The following ZNF148 variants were observed in gnomAD, a reference collection of about 807,000 sequenced individuals.
ZNF148 encodes Beta-Enolase Repressor Factor-1.
ZNF148 carries 7 observed loss-of-function variants against 67.7 expected under a neutral mutation model. The observed-to-expected ratio is 0.10, with a 90% CI of 0.06 to 0.19. ZNF148 has a LOEUF of 0.19. ZNF148 is among the 10% of genes least tolerant of loss of function. The pLI, the probability that ZNF148 is intolerant of heterozygous loss-of-function variation, is 1.00. For missense variants in ZNF148, 583 were observed against 947.1 expected (o/e 0.62, Z 5.05); for synonymous variants, 333 against 330.7 (o/e 1.01, Z -0.08).
At chr3:125,327,145 T>A (rs1025285462) in intron 2 of ZNF148, among the ~76,000 whole-genome samples, 1 of 152,024 alleles carries the variant, frequency 6.6e-6, no homozygotes, top group Non-Finnish European at 1.5e-5. Context: ...TTTAAGACTA[T>A]AGAGACAAAG....
intron 7 of ZNF148, among the ~76,000 whole-genome samples, chr3:125,263,340 G>A (rs1449935484): frequency 6.6e-6 from 1 of 152,096 alleles, no homozygotes; most frequent in Admixed American, 6.5e-5. Context: ...CATCTGAGGT[G>A]AGGAGTTCGA....
Position 125,331,168 on chromosome 3 carries a change from T to C in ZNF148, c.-163A>G, listed in dbSNP as rs1167645572. The stretch of plus-strand genomic sequence containing the variant: ...AGAATGCTGAATTACCTCCATTAAA[T>C]ACGTTAGGCAAACGCCCATCCCGCC... On this transcript the variant is annotated 5_prime_UTR_variant, in exon 2 of 9. Transcript: ENST00000360647. 5.0e-6 allele frequency: 2 copies of C among 398,566 alleles called. No homozygotes were observed. Among genetic ancestry groups the C allele is most frequent in the East Asian group, 7.1e-5 (2 of 28,066 alleles). 24.7% of individuals were successfully genotyped at this position (398,566 alleles called of 1,614,324 possible).
rs35531442 is a variant in ZNF148 at position 125,267,075 on chromosome 3, GA to G, written c.667+10650del. ...AATAAAAAACACACCAACCAGGAAA[GA>G]AAAAAAAAAAAAAAGCCCTGGACCA... On this transcript the variant is annotated intron_variant, in intron 7 of 8. Transcript: ENST00000360647. Among the ~76,000 whole-genome samples the G allele has an allele frequency of 9.7e-3, 1,024 of 105,186 alleles. 7 individuals carry two copies. Among genetic ancestry groups the G allele is most frequent in the African/African-American group, 0.031 (830 of 26,438 alleles). The allele number at this position is 105,186 out of a possible 152,430, so 69.0% of individuals were successfully genotyped here. A position where few individuals can be genotyped will look rare whatever the true frequency, so the allele number is the denominator to read the frequency against.
intron 1 of ZNF148, among the ~76,000 whole-genome samples, chr3:125,366,513 T>C (rs1473477846): frequency 6.6e-6 from 1 of 151,708 alleles, no homozygotes; most frequent in Non-Finnish European, 1.5e-5. Context: ...GACAATCAGC[T>C]TTTTTTTCTT....
intron 7 of ZNF148, 25 bp from the exon 8 acceptor site, chr3:125,234,354 A>G (rs766230021): frequency 1.4e-6 from 2 of 1,449,592 alleles, no homozygotes; most frequent in Non-Finnish European, 1.9e-6. Context: ...AGAAAGTTTA[A>G]AACAAAACAA....
Position 125,277,713 on chromosome 3 carries a change from G to A in ZNF148, c.667+13C>T, listed in dbSNP as rs1464236402. On this transcript the variant is annotated intron_variant, in intron 7 of 8. Coordinates refer to ENST00000360647, the MANE Select transcript of ZNF148 (RefSeq NM_021964.3). ...TCATTTTAATGAACCTAGTAAGGGT[G>A]GTTAACACTCACCAGTATGAATCTT... 4 of 1,602,390 alleles carry A rather than the reference G, an allele frequency of 2.5e-6. No individual in the cohort carries two copies. The highest frequency in any genetic ancestry group is 3.4e-6 in the Non-Finnish European group (4 of 1,174,948).
intron 7 of ZNF148, among the ~76,000 whole-genome samples, chr3:125,265,486 T>C (rs1937513856): frequency 6.6e-6 from 1 of 152,230 alleles, no homozygotes; most frequent in Non-Finnish European, 1.5e-5. Flanking sequence ...TATAAGTCCA[T>C]TGTCTATTTC....
chr3:125,373,564 T>C (rs1942960933), intron 1 of ZNF148, among the ~76,000 whole-genome samples: 1 of 152,216 alleles, frequency 6.6e-6, no homozygotes, highest in Admixed American at 6.5e-5. Flanking sequence ...AACCTGGCTC[T>C]AGAGTCGTCC....
chr3:125,296,741 T>C (rs1939302955), intron 4 of ZNF148, among the ~76,000 whole-genome samples: 1 of 152,084 alleles, frequency 6.6e-6, no homozygotes. Context: ...TAATACCCAA[T>C]AATAAAGAAA....
rs554661240 is a variant in ZNF148, at chr3:125,230,585, T to C, written c.*1756A>G. The C allele has an allele frequency of 6.6e-6, 1 of 152,666 alleles. No homozygotes were observed. Among genetic ancestry groups the C allele is most frequent in the African/African-American group, 2.4e-5 (1 of 41,558 alleles). 9.5% of individuals were successfully genotyped at this position (152,666 alleles called of 1,614,324 possible). ...ATAAATGAAGGATGTTAAGGGTGGA[T>C]AGTTATTTCTTCCCTTTCTTTATGA... On this transcript the variant is annotated 3_prime_UTR_variant, in exon 9 of 9. Transcript: ENST00000360647.
chr3:125,353,128 A>G (rs956876335), intron 1 of ZNF148, among the ~76,000 whole-genome samples: 6 of 152,362 alleles, frequency 3.9e-5, no homozygotes, highest in African/African-American at 1.4e-4. Context: ...TTTATTCATA[A>G]TAACAAAATA....
intron 5 of ZNF148, among the ~76,000 whole-genome samples, chr3:125,285,082 T>G (rs1301829993): frequency 6.6e-6 from 1 of 152,178 alleles, no homozygotes; most frequent in Non-Finnish European, 1.5e-5. Context: ...CTCTATCACA[T>G]TAGTTATACT....
At chr3:125,234,564 C>CCT (rs1161980313) in intron 7 of ZNF148, among the ~76,000 whole-genome samples, 1 of 152,036 alleles carries the variant, frequency 6.6e-6, no homozygotes, top group East Asian at 1.9e-4. Context: ...TATGTAATAC[C>CCT]CTCTTTCCAA....
intron 1 of ZNF148, among the ~76,000 whole-genome samples, chr3:125,335,645 T>C (rs1941460252): frequency 6.6e-6 from 1 of 152,222 alleles, no homozygotes; most frequent in Non-Finnish European, 1.5e-5. Context: ...AAAATAATGC[T>C]AGTAACAAAT....
In ZNF148 at chr3:125,232,947, T is replaced by G; in HGVS notation, c.1779A>C (p.Ala593=). 6.2e-7 allele frequency: 1 copy of G among 1,613,894 alleles called. No homozygotes were observed. The highest frequency in any genetic ancestry group is 8.5e-7 in the Non-Finnish European group (1 of 1,179,828). ...PSENVGSSSQ[A]SSSDKANMLQ... is the part of the protein sequence containing the mutation. ...ACATGTTGGCTTTATCTGATGAGGATGCTTGGGAGCTTGATCCAACATTCT... is the reference window on the plus strand; with the variant it reads ...ACATGTTGGCTTTATCTGATGAGGAGGCTTGGGAGCTTGATCCAACATTCT... Residue 593 remains alanine (A), a synonymous_variant, in exon 9 of 9, where the codon GCA becomes GCC. Coordinates refer to ENST00000360647, the MANE Select transcript of ZNF148 (RefSeq NM_021964.3). This position sits in a 1 kb window ranked among gnomAD's most constrained non-coding sequence, Gnocchi z 4.2.
At chr3:125,355,832 A>C (rs2107769225) in intron 1 of ZNF148, among the ~76,000 whole-genome samples, 1 of 152,332 alleles carries the variant, frequency 6.6e-6, no homozygotes, top group South Asian at 2.1e-4. Context: ...TAATGTAGTA[A>C]CAATGAGAAT....
chr3:125,233,788 G>A lies in ZNF148; in HGVS notation c.938C>T (p.Pro313Leu). 3 of 1,613,382 alleles carry A rather than the reference G, an allele frequency of 1.9e-6. No individual in the cohort carries two copies. Among genetic ancestry groups the A allele is most frequent in the Non-Finnish European group, 2.5e-6 (3 of 1,179,826 alleles). ...FSTSPKDNSL[P>L]KKKRQKTEKK... Reference sequence around the variant, plus strand: ...CTCCGTTTTCTGCCTTTTCTTTTTTGGCAGTGAGTTGTCTTTTGGTGATGT... The same window carrying A: ...CTCCGTTTTCTGCCTTTTCTTTTTTAGCAGTGAGTTGTCTTTTGGTGATGT... Residue 313 changes from proline to leucine, a missense_variant, in exon 9 of 9, where the codon CCA becomes CTA. Coordinates refer to ENST00000360647, the MANE Select transcript of ZNF148 (RefSeq NM_021964.3). The surrounding 1 kb of genome is among the most constrained non-coding windows in gnomAD (Gnocchi z 5.1).
At chr3:125,329,329 T>A (rs1040618616) in intron 2 of ZNF148, among the ~76,000 whole-genome samples, 5 of 110,070 alleles carry the variant, frequency 4.5e-5, no homozygotes, top group East Asian at 2.0e-4. Context: ...ATATAATTTT[T>A]TATATATATA....
chr3:125,287,966 G>A (rs889890031), intron 5 of ZNF148, 137 bp downstream of exon 5: 34 of 1,189,292 alleles, frequency 2.9e-5, no homozygotes, highest in Admixed American at 2.3e-4. Context: ...CCACCTCCAT[G>A]CAGGCACGCA....
Sources: gnomAD v4.1 joint callset for allele counts (sites outside exome capture counted in the v4.1 genomes callset) on GRCh38, gnomAD v4.1.1 for gene constraint, Gnocchi (gnomAD v3.1) non-coding constraint, MANE v1.5 for transcripts, NCBI Gene and HGNC (gene_info 2026-07-23, HGNC 2026-07-21) for gene names.